Variants in FHIT observed in about 807,000 individuals in gnomAD.
The protein encoded by FHIT is bis(5'-adenosyl)-triphosphatase.
A neutral mutation model predicts 17.9 loss-of-function variants in FHIT; 19 were observed. The observed-to-expected ratio is 1.06, with a 90% CI of 0.74 to 1.56. FHIT has a LOEUF of 1.56. FHIT is among the 40% of genes most tolerant of loss of function. The pLI is 0.00. For synonymous variants in FHIT, 81 were observed against 69.7 expected (o/e 1.16, Z -0.81); for missense variants, 248 against 189.2 (o/e 1.31, Z -1.82).
chr3:60,856,908 T>C (rs781884979), intron 3 of FHIT, among the ~76,000 whole-genome samples: 2 of 152,124 alleles, frequency 1.3e-5, no homozygotes, highest in Non-Finnish European at 2.9e-5. Flanking sequence ...GCTTCTGAGA[T>C]TGTACTTCAC....
intron 3 of FHIT, among the ~76,000 whole-genome samples, chr3:60,908,059 A>T (rs1553764961): frequency 1.3e-5 from 2 of 152,338 alleles, no homozygotes; most frequent in African/African-American, 4.8e-5. Context: ...AGAGGAGCAA[A>T]CACATTAATC....
intron 8 of FHIT, among the ~76,000 whole-genome samples, chr3:59,872,382 T>G (rs1702963600): frequency 6.6e-6 from 1 of 152,174 alleles, no homozygotes; most frequent in Admixed American, 6.5e-5. Context: ...GCTTTTCTTC[T>G]TGGTGACTCA....
intron 4 of FHIT, among the ~76,000 whole-genome samples, chr3:60,679,664 T>C (rs1360810506): frequency 1.3e-5 from 2 of 152,084 alleles, no homozygotes; most frequent in African/African-American, 2.4e-5. Flanking sequence ...TACCAAAGTA[T>C]AATAATGAAT....
chr3:59,918,412 A>C (rs1052953237), intron 8 of FHIT, among the ~76,000 whole-genome samples: 1 of 152,168 alleles, frequency 6.6e-6, no homozygotes, highest in Admixed American at 6.5e-5. Context: ...GTTACTCTAG[A>C]GGGGACAGAG....
intron 2 of FHIT, among the ~76,000 whole-genome samples, chr3:61,098,057 A>G (rs2106837664): frequency 6.6e-6 from 1 of 152,076 alleles, no homozygotes; most frequent in East Asian, 1.9e-4. Context: ...TGCCTAGTTG[A>G]TTTCCAGGGT....
intron 5 of FHIT, among the ~76,000 whole-genome samples, chr3:60,019,413 TCC>T: frequency 1.5e-5 from 2 of 131,092 alleles, no homozygotes; most frequent in South Asian, 6.0e-4. Flanking sequence ...GTTGAGATGC[TCC>T]TTTTTTTTTT....
intron 8 of FHIT, among the ~76,000 whole-genome samples, chr3:59,843,439 G>A (rs538796641): frequency 1.2e-4 from 18 of 152,140 alleles, no homozygotes; most frequent in African/African-American, 3.6e-4. Context: ...ATGGCTTTTT[G>A]TATGTCAGCA....
chr3:60,875,735 C>T (rs1294006246), intron 3 of FHIT, among the ~76,000 whole-genome samples: 8 of 151,892 alleles, frequency 5.3e-5, no homozygotes, highest in Non-Finnish European at 1.2e-4. Context: ...CATAACAATC[C>T]TACATAGTAG....
intron 5 of FHIT, among the ~76,000 whole-genome samples, chr3:60,260,229 A>C (rs1352963070): frequency 6.6e-6 from 1 of 151,968 alleles, no homozygotes; most frequent in African/African-American, 2.4e-5. Flanking sequence ...GTTGGTTCAC[A>C]CTTCAGGGTG....
At chr3:60,551,357 T>C (rs1377946085) in intron 4 of FHIT, among the ~76,000 whole-genome samples, 1 of 145,408 alleles carries the variant, frequency 6.9e-6, no homozygotes, top group Non-Finnish European at 1.5e-5. Context: ...ACGCCTGGTG[T>C]GGTGGCTAAT....
chr3:60,756,259 T>C (rs1162114644), intron 4 of FHIT, among the ~76,000 whole-genome samples: 1 of 152,166 alleles, frequency 6.6e-6, no homozygotes, highest in Admixed American at 6.5e-5. Context: ...GATAAACTCA[T>C]TTGGTTTTTC....
At chr3:60,209,233 T>C (rs569689848) in intron 5 of FHIT, among the ~76,000 whole-genome samples, 1 of 152,268 alleles carries the variant, frequency 6.6e-6, no homozygotes, top group African/African-American at 2.4e-5. Context: ...CCAAACTACT[T>C]GGTTTATTTA....
At chr3:60,701,796 T>G (rs1445291353) in intron 4 of FHIT, among the ~76,000 whole-genome samples, 1 of 152,126 alleles carries the variant, frequency 6.6e-6, no homozygotes, top group Non-Finnish European at 1.5e-5. Context: ...GGCAGTCTAG[T>G]CCCCAGACAG....
intron 4 of FHIT, among the ~76,000 whole-genome samples, chr3:60,629,478 C>G (rs151166946): frequency 3.3e-5 from 5 of 152,288 alleles, no homozygotes; most frequent in Non-Finnish European, 5.9e-5. Flanking sequence ...CTTATTCTGC[C>G]ATTCTGGAAA....
intron 5 of FHIT, among the ~76,000 whole-genome samples, chr3:60,375,668 C>T (rs1054864487): frequency 6.6e-6 from 1 of 152,106 alleles, no homozygotes; most frequent in Non-Finnish European, 1.5e-5. Flanking sequence ...GTGAAGACAA[C>T]TGGTTAGTTG....
chr3:60,122,586 G>T (rs116774417), intron 5 of FHIT, among the ~76,000 whole-genome samples: 1 of 152,128 alleles, frequency 6.6e-6, no homozygotes, highest in Non-Finnish European at 1.5e-5. Flanking sequence ...ATGGGAAAAA[G>T]CAGCCCCTCC....
At chr3:60,561,677 G>A (rs1170290558) in intron 4 of FHIT, among the ~76,000 whole-genome samples, 1 of 152,064 alleles carries the variant, frequency 6.6e-6, no homozygotes, top group Non-Finnish European at 1.5e-5. Context: ...AAATAGAAAT[G>A]GGAGCCAGAG....
chr3:60,716,800 A>G (rs534284491), intron 4 of FHIT, among the ~76,000 whole-genome samples: 27 of 152,358 alleles, frequency 1.8e-4, no homozygotes, highest in Non-Finnish European at 3.2e-4. Flanking sequence ...GCACGTGAGT[A>G]ATTCGTGACG....
chr3:61,030,938 A>C (rs907569151), intron 3 of FHIT, among the ~76,000 whole-genome samples: 10 of 152,134 alleles, frequency 6.6e-5, no homozygotes, highest in East Asian at 1.9e-4. Context: ...AAGGCAAGTA[A>C]AATGGTAGGA....
Sources: allele counts gnomAD v4.1 joint callset (sites outside exome capture counted in the v4.1 genomes callset), GRCh38; gene constraint gnomAD v4.1.1; transcripts MANE v1.5; gene names NCBI Gene and HGNC (gene_info 2026-07-23, HGNC 2026-07-21).